The following MAP3K5 variants were observed in gnomAD, a reference collection of about 807,000 sequenced individuals.
MAP3K5 encodes the protein ASK-1.
MAP3K5 carries 56 observed loss-of-function variants against 158.7 expected under a neutral mutation model. That is an observed-to-expected ratio of 0.35 (90% CI 0.28 to 0.44). MAP3K5 has a LOEUF of 0.44. MAP3K5 is among the 20% of genes least tolerant of loss of function. The pLI is 1.00. For missense variants in MAP3K5, 1,294 were observed against 1,674.8 expected (o/e 0.77, Z 3.97); for synonymous variants, 579 against 601.7 (o/e 0.96, Z 0.55).
In MAP3K5 at chr6:136,695,940, T is replaced by C. The variant is rs1780585229; in HGVS notation, c.1082+11A>G. 6.4e-7 allele frequency: 1 copy of C among 1,565,402 alleles called. No homozygotes were observed. The highest frequency in any genetic ancestry group is 1.7e-5 in the Admixed American group (1 of 57,324). On this transcript the variant is annotated intron_variant, in intron 6 of 29. Coordinates refer to ENST00000359015, the MANE Select transcript of MAP3K5 (RefSeq NM_005923.4). The stretch of plus-strand genomic sequence containing the variant: ...GTTAACGCATTCTGGAAGGGAACTT[T>C]TTCTTCTTACCTATTCAGTGCAAAT...
chr6:136,700,621 G>A (rs1166284536), intron 3 of MAP3K5, among the ~76,000 whole-genome samples: 4 of 152,210 alleles, frequency 2.6e-5, no homozygotes, highest in Non-Finnish European at 4.4e-5. Flanking sequence ...GAATTTGGTG[G>A]GATGGGGTGA....
intron 15 of MAP3K5, among the ~76,000 whole-genome samples, chr6:136,622,614 G>T (rs769444772): frequency 6.4e-4 from 97 of 152,198 alleles, no homozygotes; most frequent in Middle Eastern, 3.4e-3. Flanking sequence ...AAGACAACCT[G>T]AGCCTAACAC....
chr6:136,707,012 G>A (rs183256935), intron 2 of MAP3K5, among the ~76,000 whole-genome samples: 99 of 152,220 alleles, frequency 6.5e-4, no homozygotes, highest in Admixed American at 2.8e-3. Context: ...GCTGGGTGTC[G>A]TGGCACACAC....
intron 19 of MAP3K5, among the ~76,000 whole-genome samples, chr6:136,603,582 G>T (rs1775975883): frequency 6.6e-6 from 1 of 152,100 alleles, no homozygotes; most frequent in Admixed American, 6.5e-5. Flanking sequence ...GTTGGAGCCT[G>T]GATTCAAACA....
chr6:136,676,913 T>C (rs1779727719), intron 7 of MAP3K5, among the ~76,000 whole-genome samples: 1 of 150,950 alleles, frequency 6.6e-6, no homozygotes, highest in Non-Finnish European at 1.5e-5. Context: ...TGCCTCAGCC[T>C]CCCGAGTAGC....
At chr6:136,709,802 T>A (rs567915557) in intron 2 of MAP3K5, among the ~76,000 whole-genome samples, 1 of 152,176 alleles carries the variant, frequency 6.6e-6, no homozygotes, top group Non-Finnish European at 1.5e-5. Flanking sequence ...GATGATGGTG[T>A]GCACCTGTAA....
At chr6:136,750,234 C>T (rs557836856) in intron 1 of MAP3K5, among the ~76,000 whole-genome samples, 3 of 152,254 alleles carry the variant, frequency 2.0e-5, no homozygotes, top group Admixed American at 6.5e-5. Context: ...TGCACGAGCA[C>T]GCCTGGCTAA....
chr6:136,690,964 T>C (rs1780359869), intron 7 of MAP3K5, among the ~76,000 whole-genome samples: 1 of 152,212 alleles, frequency 6.6e-6, no homozygotes, highest in Non-Finnish European at 1.5e-5. Context: ...TATCAGTGGA[T>C]ATAGAGTTCT....
At chr6:136,604,148 C>G (rs539715261) in intron 19 of MAP3K5, among the ~76,000 whole-genome samples, 27 of 152,124 alleles carry the variant, frequency 1.8e-4, no homozygotes, top group African/African-American at 5.8e-4. Context: ...ATGGTGAAAC[C>G]CCGTCTGTAC....
At chr6:136,585,488 T>TTCTTTTCTTTTCTTTTCTTTTC in intron 23 of MAP3K5, among the ~76,000 whole-genome samples, 1 of 142,100 alleles carries the variant, frequency 7.0e-6, no homozygotes, top group African/African-American at 2.6e-5. Flanking sequence ...TTTATTTATT[T>TTCTTTTCTTTTCTTTTCTTTTC]ATTTATTTAT....
chr6:136,745,857 T>C (rs1478167011), intron 1 of MAP3K5, among the ~76,000 whole-genome samples: 2 of 152,210 alleles, frequency 1.3e-5, no homozygotes, highest in Non-Finnish European at 2.9e-5. Flanking sequence ...CGAGGAGAGT[T>C]AGCATAACCC....
chr6:136,585,613 C>T (rs1456941787), intron 23 of MAP3K5, among the ~76,000 whole-genome samples: 3 of 152,028 alleles, frequency 2.0e-5, no homozygotes, highest in Non-Finnish European at 4.4e-5. Flanking sequence ...GATTCTCCTA[C>T]CTCAGCTTCC....
intron 8 of MAP3K5, among the ~76,000 whole-genome samples, chr6:136,667,075 AT>A (rs1394948443): frequency 1.3e-5 from 2 of 152,216 alleles, no homozygotes; most frequent in African/African-American, 4.8e-5. Flanking sequence ...GAATAAGTAC[AT>A]TTTCAAACCA....
chr6:136,757,523 T>C (rs980240261), intron 1 of MAP3K5, among the ~76,000 whole-genome samples: 9 of 152,038 alleles, frequency 5.9e-5, no homozygotes, highest in African/African-American at 2.2e-4. Flanking sequence ...CAATTGGAAA[T>C]ATGAGAAGAT....
At chr6:136,730,132 C>G (rs182320955) in intron 1 of MAP3K5, among the ~76,000 whole-genome samples, 132 of 149,118 alleles carry the variant, frequency 8.9e-4, no homozygotes, top group Non-Finnish European at 1.0e-3. Flanking sequence ...GCCACCATAC[C>G]TGTTTTTTTG....
intron 19 of MAP3K5, among the ~76,000 whole-genome samples, chr6:136,603,091 G>T (rs1422786100): frequency 6.6e-6 from 1 of 151,612 alleles, no homozygotes; most frequent in Non-Finnish European, 1.5e-5. Context: ...GAATTATATA[G>T]CCGATACCAT....
chr6:136,788,706 T>A (rs1299909147), intron 1 of MAP3K5, among the ~76,000 whole-genome samples: 1 of 152,136 alleles, frequency 6.6e-6, no homozygotes, highest in Non-Finnish European at 1.5e-5. Context: ...TGAGATAACA[T>A]CTCACACCAG....
intron 2 of MAP3K5, among the ~76,000 whole-genome samples, chr6:136,714,836 G>T (rs1383482421): frequency 6.6e-6 from 1 of 152,048 alleles, no homozygotes; most frequent in East Asian, 1.9e-4. Context: ...TACAAATTTT[G>T]GTTTGTGCAC....
At chr6:136,661,391 A>C (rs1778998853) in intron 8 of MAP3K5, among the ~76,000 whole-genome samples, 1 of 152,108 alleles carries the variant, frequency 6.6e-6, no homozygotes, top group African/African-American at 2.4e-5. Context: ...CTATCTGGAT[A>C]TAATTTTGTT....
Sources: allele counts gnomAD v4.1 joint callset (sites outside exome capture counted in the v4.1 genomes callset), GRCh38; gene constraint gnomAD v4.1.1; transcripts MANE v1.5; gene names NCBI Gene and HGNC (gene_info 2026-07-23, HGNC 2026-07-21).